Variants in TRPM2 observed in about 807,000 individuals in gnomAD.
TRPM2 encodes transient receptor potential cation channel subfamily M member 2, also known as estrogen-responsive element-associated gene 1 protein.
A neutral mutation model predicts 174.0 loss-of-function variants in TRPM2; 161 were observed. The ratio of observed to expected loss-of-function variants is 0.93; its 90% CI spans 0.81 to 1.05. TRPM2 has a LOEUF of 1.05. Ranked by LOEUF, TRPM2 falls within the 50% of genes least tolerant of loss-of-function variation. TRPM2 has a pLI of 0.00. For synonymous variants in TRPM2, 954 were observed against 861.3 expected, an observed-to-expected ratio of 1.11 and a Z score of -1.88; for missense variants, 2,057 against 2,038.0, an observed-to-expected ratio of 1.01 and a Z score of -0.18.
chr21:44,407,513 T>G (rs905509641), intron 19 of TRPM2, among the ~76,000 whole-genome samples: 30 of 140,392 alleles, frequency 2.1e-4, no homozygotes, highest in African/African-American at 7.9e-4. Flanking sequence ...CTGGATAAAG[T>G]GCACCTGTCA....
In TRPM2 at chr21:44,407,667, G is replaced by A. The variant is rs532032620; in HGVS notation, c.2962+902G>A. 2.6e-5 allele frequency among the ~76,000 whole-genome samples: 4 copies of A among 151,620 alleles called. No homozygotes were observed. The South Asian group carries it at 6.3e-4, about 24-fold the overall frequency. On this transcript the variant is annotated intron_variant, in intron 19 of 31. Transcript: ENST00000397928. Reference sequence around the variant, plus strand: ...TACTTGTGAGCTGCCTTTTCTGGGCGTTTCATAGAAACTGGATGATGTAAT... The same window carrying A: ...TACTTGTGAGCTGCCTTTTCTGGGCATTTCATAGAAACTGGATGATGTAAT...
At chr21:44,412,307 T>A (rs1268889206) in intron 19 of TRPM2, among the ~76,000 whole-genome samples, 1 of 152,184 alleles carries the variant, frequency 6.6e-6, no homozygotes, top group Admixed American at 6.6e-5. Context: ...CTATTTCTTC[T>A]CCAGTCACCT....
At chr21:44,385,357 G>C (rs1199862153) in intron 9 of TRPM2, among the ~76,000 whole-genome samples, 1 of 152,146 alleles carries the variant, frequency 6.6e-6, no homozygotes, top group East Asian at 1.9e-4. Context: ...AGTGCTAATG[G>C]AGAAATTTAT....
intron 16 of TRPM2, among the ~76,000 whole-genome samples, chr21:44,404,116 CAT>C (rs1475889103): frequency 6.6e-6 from 1 of 151,940 alleles, no homozygotes; most frequent in Admixed American, 6.6e-5. Flanking sequence ...CATATGCACA[CAT>C]GAATGAACAT....
At position 44,390,902 on chromosome 21, in the gene TRPM2, A is replaced by G; in HGVS notation, c.1319-2A>G. 1 of 1,614,076 alleles carries G rather than the reference A, an allele frequency of 6.2e-7. No individual in the cohort carries two copies. The highest frequency in any genetic ancestry group is 8.5e-7 in the Non-Finnish European group (1 of 1,180,030). ...GCCCAATATGCACCTGTTCATCTGC[A>G]GCCTCACGGAGCCAAGACCACTTTG... On this transcript the variant is annotated splice_acceptor_variant, in intron 9 of 31. Coordinates refer to ENST00000397928, the MANE Select transcript of TRPM2 (RefSeq NM_003307.4). LOFTEE classifies it high-confidence loss of function.
intron 20 of TRPM2, among the ~76,000 whole-genome samples, chr21:44,417,301 T>A (rs2050330052): frequency 8.1e-6 from 1 of 123,286 alleles, no homozygotes; most frequent in African/African-American, 3.2e-5. Context: ...GGCATCACAG[T>A]GGGCACAAGG....
chr21:44,433,361 G>A (rs1297450720), intron 27 of TRPM2, among the ~76,000 whole-genome samples: 1 of 152,236 alleles, frequency 6.6e-6, no homozygotes, highest in African/African-American at 2.4e-5. Flanking sequence ...GCAGTTACAG[G>A]GAGACGAGGC....
intron 5 of TRPM2, among the ~76,000 whole-genome samples, chr21:44,374,262 T>C (rs1346061518): frequency 6.6e-6 from 1 of 152,096 alleles, no homozygotes; most frequent in Non-Finnish European, 1.5e-5. Flanking sequence ...CTGCCCACCT[T>C]GGCCTCCCAA....
chr21:44,413,899 T>C lies in TRPM2; in HGVS notation c.2971T>C (p.Phe991Leu). 1 of 1,611,370 alleles carries C rather than the reference T, an allele frequency of 6.2e-7. No homozygotes were observed. The highest frequency in any genetic ancestry group is 8.5e-7 in the Non-Finnish European group (1 of 1,177,892). Residue 991 changes from phenylalanine to leucine, a missense_variant, in exon 20 of 32, where the codon TTC becomes CTC. By Grantham distance (22) the Phe-to-Leu change is conservative. Coordinates refer to ENST00000397928, the MANE Select transcript of TRPM2 (RefSeq NM_003307.4). The part of the protein sequence containing the change: ...QIPGYIDGVN[F>L]NPEHCSPNGT... ...CCCATTCCCAACGCCAGGTGTGAAC[T>C]TCAACCCGGAGCACTGCAGCCCCAA...
intron 27 of TRPM2, among the ~76,000 whole-genome samples, chr21:44,429,595 T>C (rs1056143881): frequency 7.2e-5 from 11 of 152,056 alleles, no homozygotes; most frequent in Non-Finnish European, 1.0e-4. Context: ...TGTATAACAT[T>C]TTTTTATATT....
rs1053124080 is a variant in TRPM2, at chr21:44,442,592, C to T, written c.*775C>T. 2 of 152,252 alleles carry T rather than the reference C, an allele frequency of 1.3e-5. No homozygotes were observed. The highest frequency in any genetic ancestry group is 4.8e-5 in the African/African-American group (2 of 41,436). The allele number at this position is 152,252 out of a possible 1,614,324, so 9.4% of individuals were successfully genotyped here. ...TCACAGGAGCGTGAACCATGAGGGC[C>T]CTCAGGAGGGGAACGTGGTAAAACC... On this transcript the variant is annotated 3_prime_UTR_variant, in exon 32 of 32. Transcript: ENST00000397928.
At chr21:44,403,831 G>A (rs2049734960) in intron 16 of TRPM2, among the ~76,000 whole-genome samples, 1 of 148,832 alleles carries the variant, frequency 6.7e-6, no homozygotes, top group African/African-American at 2.5e-5. Flanking sequence ...GCACACACAT[G>A]CATACACACA....
intron 20 of TRPM2, among the ~76,000 whole-genome samples, chr21:44,417,345 C>T (rs112825444): frequency 1.3e-4 from 13 of 98,672 alleles, no homozygotes; most frequent in African/African-American, 3.1e-4. Context: ...ACAGTGGGCA[C>T]GTGGGCGTGG....
chr21:44,392,712 G>A (rs948880557), intron 11 of TRPM2, among the ~76,000 whole-genome samples: 4 of 152,006 alleles, frequency 2.6e-5, no homozygotes, highest in East Asian at 1.9e-4. Context: ...TGAATTTTAG[G>A]GGGGACAGAG....
chr21:44,355,621 T>G (rs891597191), intron 2 of TRPM2, among the ~76,000 whole-genome samples: 1 of 152,190 alleles, frequency 6.6e-6, no homozygotes, highest in Non-Finnish European at 1.5e-5. Context: ...TCATCTTTCT[T>G]GCTAGCTGCT....
chr21:44,395,300 G>A, intron 11 of TRPM2, 114 bp from the exon 12 acceptor site: 1 of 1,323,918 alleles, frequency 7.6e-7, no homozygotes, highest in Non-Finnish European at 1.0e-6. Context: ...TCCAGGGACA[G>A]TGAGATCCTG....
In TRPM2 at chr21:44,354,621, A is replaced by G. The variant is rs2146107354; in HGVS notation, c.166-27A>G. 6.2e-7 allele frequency: 1 copy of G among 1,603,024 alleles called. No individual in the cohort carries two copies. The highest frequency in any genetic ancestry group is 2.2e-5 in the East Asian group (1 of 44,816). ...GGTGTGCTCTTTCGAATGTTGGAAGATCTCAGTGTGCTGTCTTTACCTTCA... is the reference window on the plus strand; with the variant it reads ...GGTGTGCTCTTTCGAATGTTGGAAGGTCTCAGTGTGCTGTCTTTACCTTCA... On this transcript the variant is annotated intron_variant, in intron 1 of 31. Coordinates refer to ENST00000397928, the MANE Select transcript of TRPM2 (RefSeq NM_003307.4). This position sits in a 1 kb window ranked among gnomAD's most constrained non-coding sequence, Gnocchi z 4.3.
rs141356518 is a variant in TRPM2 at position 44,441,613 on chromosome 21, C to G, written c.4387-79C>G. 7.2e-4 allele frequency: 1,076 copies of G among 1,490,966 alleles called. 3 individuals are homozygous for G. In the African/African-American group the frequency reaches 0.012, roughly 16 times the overall value. The allele number at this position is 1,490,966 out of a possible 1,614,324, so 92.4% of individuals were successfully genotyped here. A position where few individuals can be genotyped will look rare whatever the true frequency, so the allele number is the denominator to read the frequency against. ...GGAGGGTGTGCAGGCCCCAAGCCCT[C>G]GAAGGCTGCAGTCCGTAGGGCTCAG... is the stretch of plus-strand genomic sequence containing the variant. On this transcript the variant is annotated intron_variant, in intron 31 of 31. Transcript: ENST00000397928.
In TRPM2 at chr21:44,374,016, T is replaced by TC. The variant is rs1480516358; in HGVS notation, c.772-1817_772-1816insC. On this transcript the variant is annotated intron_variant, in intron 5 of 31. Transcript: ENST00000397928. ...AGTATATGTATTCTCTCTCTCTCTC[T>TC]TTTTTTTTTTTTGAGATGGAGCCTT... 5.8e-5 allele frequency among the ~76,000 whole-genome samples: 8 copies of TC among 137,588 alleles called. No homozygotes were observed. In the East Asian group the frequency reaches 6.1e-4, roughly 10 times the overall value. 90.3% of individuals were successfully genotyped at this position (137,588 alleles called of 152,430 possible).
Sources: gnomAD v4.1 joint callset for allele counts (sites outside exome capture counted in the v4.1 genomes callset) on GRCh38, gnomAD v4.1.1 for gene constraint, Gnocchi (gnomAD v3.1) non-coding constraint, MANE v1.5 for transcripts, NCBI Gene and HGNC (gene_info 2026-07-23, HGNC 2026-07-21) for gene names.